Variants in ARHGAP39 observed in about 807,000 individuals in gnomAD.
The protein encoded by ARHGAP39 is Rho GTPase activating protein 39.
In ARHGAP39, 44 loss-of-function variants were observed where a neutral mutation model predicts 106.9. The observed-to-expected ratio is 0.41, with a 90% CI of 0.32 to 0.53. The LOEUF (loss-of-function observed/expected upper bound fraction) is 0.53, where lower values mean the gene tolerates loss of function less well. ARHGAP39 is among the 20% of genes least tolerant of loss of function. The pLI is 0.21. For missense variants in ARHGAP39, 1,496 were observed against 1,577.3 expected (o/e 0.95, Z 0.87); for synonymous variants, 768 against 693.2 (o/e 1.11, Z -1.69).
the ARHGAP39 span, among the ~76,000 whole-genome samples, chr8:144,694,976 G>A: frequency 1.3e-5 from 2 of 151,826 alleles, no homozygotes; most frequent in Non-Finnish European, 2.9e-5. Context: ...GTTCACACAT[G>A]AGTTTTAAGT....
chr8:144,542,082 G>A (rs1564837289), intron 6 of ARHGAP39, among the ~76,000 whole-genome samples: 1 of 152,262 alleles, frequency 6.6e-6, no homozygotes, highest in East Asian at 1.9e-4. Flanking sequence ...GAAGCCGGGA[G>A]ACCTTGTTGG....
At chr8:144,601,856 GGTGT>G (rs1297376911) in intron 2 of ARHGAP39, among the ~76,000 whole-genome samples, 4 of 142,556 alleles carry the variant, frequency 2.8e-5, no homozygotes, top group East Asian at 2.2e-4. Context: ...TGTGCGTAGA[GGTGT>G]GTGTGCGAGC....
chr8:144,596,215 A>T (rs915542536), intron 2 of ARHGAP39, among the ~76,000 whole-genome samples: 22 of 148,960 alleles, frequency 1.5e-4, no homozygotes, highest in Admixed American at 8.0e-4. Context: ...GGGATGGCTA[A>T]GGCCTCGCCA....
At chr8:144,532,239 CA>C (rs773585138) in intron 10 of ARHGAP39, 65 bp downstream of exon 10, 29 of 1,471,806 alleles carry the variant, frequency 2.0e-5, no homozygotes, top group Non-Finnish European at 2.3e-5. Flanking sequence ...GAGGCGGAGA[CA>C]GGGGCCCCTG....
intron 1 of ARHGAP39, among the ~76,000 whole-genome samples, chr8:144,643,874 T>C (rs935991817): frequency 3.3e-5 from 5 of 152,156 alleles, no homozygotes; most frequent in African/African-American, 1.2e-4. Flanking sequence ...TGCTATTGTT[T>C]TTCACCCAAT....
chr8:144,663,454 C>T (rs1293356519), intron 1 of ARHGAP39, among the ~76,000 whole-genome samples: 2 of 152,036 alleles, frequency 1.3e-5, no homozygotes, highest in Admixed American at 6.6e-5. Flanking sequence ...CCTGAGAGAA[C>T]GGACCAAGCC....
Position 144,646,965 on chromosome 8 carries a change from A to ATTTTTTT in ARHGAP39, c.-82+38714_-82+38720dup, listed in dbSNP as rs1174032022. 1.7e-5 allele frequency among the ~76,000 whole-genome samples: 2 copies of ATTTTTTT among 114,638 alleles called. No individual in the cohort carries two copies. Among genetic ancestry groups the ATTTTTTT allele is most frequent in the African/African-American group, 3.3e-5 (1 of 30,480 alleles). 75.2% of individuals were successfully genotyped at this position (114,638 alleles called of 152,430 possible). A position where few individuals can be genotyped will look rare whatever the true frequency, so the allele number is the denominator to read the frequency against. On this transcript the variant is annotated intron_variant, in intron 1 of 11. Coordinates refer to ENST00000377307, the MANE Select transcript of ARHGAP39 (RefSeq NM_025251.3). The surrounding 1 kb of genome is among the most constrained non-coding windows in gnomAD (Gnocchi z 5.7). ...TGGAGGCATCTGCTCTGCTCTGACC[A>ATTTTTTT]TTTTTTTTTTTTTTTTTTTTTTGAG...
chr8:144,676,734 T>A (rs1487948573), intron 1 of ARHGAP39, among the ~76,000 whole-genome samples: 1 of 152,088 alleles, frequency 6.6e-6, no homozygotes, highest in Non-Finnish European at 1.5e-5. Flanking sequence ...CAGCACCGGC[T>A]CCCGCCCACG....
intron 1 of ARHGAP39, among the ~76,000 whole-genome samples, chr8:144,676,101 C>A (rs771300245): frequency 6.6e-6 from 1 of 152,162 alleles, no homozygotes; most frequent in South Asian, 2.1e-4. Context: ...AGATTTAGTG[C>A]GAAGAGCAAA....
At chr8:144,653,723 T>A (rs910277001) in intron 1 of ARHGAP39, among the ~76,000 whole-genome samples, 1 of 152,232 alleles carries the variant, frequency 6.6e-6, no homozygotes, top group Non-Finnish European at 1.5e-5. Flanking sequence ...TGTCCTCCTG[T>A]TGGAATAACT....
At chr8:144,582,347 C>T (rs1819026013) in intron 2 of ARHGAP39, among the ~76,000 whole-genome samples, 1 of 152,190 alleles carries the variant, frequency 6.6e-6, no homozygotes. Flanking sequence ...GGCTGTGATG[C>T]GCACCACACC....
At chr8:144,661,133 C>A (rs920396610) in intron 1 of ARHGAP39, among the ~76,000 whole-genome samples, 1 of 152,164 alleles carries the variant, frequency 6.6e-6, no homozygotes, top group Non-Finnish European at 1.5e-5. Context: ...AAAACACATG[C>A]AGTCCTACAC....
At chr8:144,577,754 C>CA (rs1397580500) in intron 3 of ARHGAP39, among the ~76,000 whole-genome samples, 1 of 152,036 alleles carries the variant, frequency 6.6e-6, no homozygotes, top group Non-Finnish European at 1.5e-5. Context: ...AACAAACAAA[C>CA]AAAAAATTCC....
At chr8:144,661,315 T>C (rs1821816698) in intron 1 of ARHGAP39, among the ~76,000 whole-genome samples, 1 of 152,210 alleles carries the variant, frequency 6.6e-6, no homozygotes, top group Non-Finnish European at 1.5e-5. Flanking sequence ...CCGGCTCCTC[T>C]TTGCGCATTC....
chr8:144,580,770 AC>A (rs34194127), intron 3 of ARHGAP39, 75 bp downstream of exon 3: 11,028 of 44,304 alleles, frequency 0.25, 1,383 homozygotes, highest in African/African-American at 0.52. Context: ...CCCGCCCACC[AC>A]CCCCTACCTG....
rs1821304468 is a variant in ARHGAP39 at position 144,641,147 on chromosome 8, C to A, written c.-81-35452G>T. Among the ~76,000 whole-genome samples the A allele has an allele frequency of 6.6e-6, 1 of 152,094 alleles. No homozygotes were observed. The highest frequency in any genetic ancestry group is 1.5e-5 in the Non-Finnish European group (1 of 68,022). On this transcript the variant is annotated intron_variant, in intron 1 of 11. Coordinates refer to ENST00000377307, the MANE Select transcript of ARHGAP39 (RefSeq NM_025251.3). This position sits in a 1 kb window ranked among gnomAD's most constrained non-coding sequence, Gnocchi z 5.2. ...ACATCTGAAAGCTTTCATCCACCATCCACCTGTTCTGCCACAGGATCACGG... is the reference window on the plus strand; with the variant it reads ...ACATCTGAAAGCTTTCATCCACCATACACCTGTTCTGCCACAGGATCACGG...
At chr8:144,588,797 C>T (rs900076175) in intron 2 of ARHGAP39, among the ~76,000 whole-genome samples, 3 of 152,248 alleles carry the variant, frequency 2.0e-5, no homozygotes, top group Admixed American at 6.5e-5. Context: ...GACTCTTGTG[C>T]GTGCTCACCG....
intron 3 of ARHGAP39, among the ~76,000 whole-genome samples, chr8:144,564,965 C>G (rs948306750): frequency 6.6e-6 from 1 of 152,078 alleles, no homozygotes; most frequent in African/African-American, 2.4e-5. Context: ...CAAAAATTAG[C>G]CAGGCGTGGA....
intron 1 of ARHGAP39, among the ~76,000 whole-genome samples, chr8:144,611,026 C>T (rs1007029388): frequency 1.3e-5 from 2 of 152,166 alleles, no homozygotes; most frequent in Admixed American, 1.3e-4. Context: ...ACCATGTTAG[C>T]CAGGCTGGTC....
Sources: allele counts gnomAD v4.1 joint callset (sites outside exome capture counted in the v4.1 genomes callset), GRCh38; gene constraint gnomAD v4.1.1; non-coding constraint Gnocchi (gnomAD v3.1); transcripts MANE v1.5; gene names NCBI Gene and HGNC (gene_info 2026-07-23, HGNC 2026-07-21).